RIPOR2: variants seen among roughly 807,000 people sequenced by gnomAD.
RIPOR2 encodes the protein RHO family interacting cell polarization regulator 2, also known as rho family-interacting cell polarization regulator 2.
A neutral mutation model predicts 114.5 loss-of-function variants in RIPOR2; 39 were observed. The ratio of observed to expected loss-of-function variants is 0.34; its 90% CI spans 0.26 to 0.44. RIPOR2 has a LOEUF of 0.44. Ranked by LOEUF, RIPOR2 falls within the 20% of genes least tolerant of loss-of-function variation. The probability of loss-of-function intolerance (pLI) is 1.00; values close to 1 mark genes in which losing one functional copy is unlikely to be tolerated. For missense variants in RIPOR2, 1,007 were observed against 1,255.1 expected, an observed-to-expected ratio of 0.80 and a Z score of 2.99; for synonymous variants, 445 against 484.4, an observed-to-expected ratio of 0.92 and a Z score of 1.07.
At chr6:24,818,224 A>C (rs1360465435) in intron 20 of RIPOR2, among the ~76,000 whole-genome samples, 1 of 152,052 alleles carries the variant, frequency 6.6e-6, no homozygotes, top group Non-Finnish European at 1.5e-5. Context: ...CGGCCTCCCA[A>C]AATGCTGGGA....
chr6:24,901,978 C>T (rs1443989304), intron 1 of RIPOR2, among the ~76,000 whole-genome samples: 2 of 152,162 alleles, frequency 1.3e-5, no homozygotes, highest in Non-Finnish European at 2.9e-5. Flanking sequence ...AAGGCACTAT[C>T]ACTGGGACTA....
intron 1 of RIPOR2, among the ~76,000 whole-genome samples, chr6:24,985,379 T>A (rs960680251): frequency 1.2e-4 from 19 of 152,124 alleles, no homozygotes; most frequent in African/African-American, 4.6e-4. Flanking sequence ...GATTTTTTTT[T>A]TTTAACCAGT....
At chr6:25,023,390 G>A in intron 1 of RIPOR2, 3 of 776,590 alleles carry the variant, frequency 3.9e-6, no homozygotes, top group East Asian at 2.4e-5. Context: ...GTTGTAGGGA[G>A]AGAGTGGGGA....
At chr6:24,841,547 A>G (rs1487113893) in intron 13 of RIPOR2, among the ~76,000 whole-genome samples, 1 of 152,016 alleles carries the variant, frequency 6.6e-6, no homozygotes, top group Non-Finnish European at 1.5e-5. Context: ...GAAGGATAAG[A>G]TGGTCAAAAA....
intron 1 of RIPOR2, among the ~76,000 whole-genome samples, chr6:24,934,728 C>T (rs1346328701): frequency 6.6e-6 from 1 of 152,164 alleles, no homozygotes; most frequent in Non-Finnish European, 1.5e-5. Flanking sequence ...ATTTAGGTGG[C>T]TCCAAATTCT....
At chr6:24,927,799 G>T (rs1454659257) in intron 1 of RIPOR2, among the ~76,000 whole-genome samples, 3 of 152,180 alleles carry the variant, frequency 2.0e-5, no homozygotes, top group Non-Finnish European at 4.4e-5. Flanking sequence ...CAAACAACTA[G>T]TAAGTTGAAC....
chr6:25,002,727 G>A (rs1173940667), intron 1 of RIPOR2, among the ~76,000 whole-genome samples: 3 of 152,210 alleles, frequency 2.0e-5, no homozygotes, highest in African/African-American at 7.2e-5. Flanking sequence ...CAGGGACTCA[G>A]CTCCACCTGG....
chr6:24,845,266 T>C, intron 12 of RIPOR2, among the ~76,000 whole-genome samples: 1 of 152,110 alleles, frequency 6.6e-6, no homozygotes, highest in East Asian at 1.9e-4. Context: ...AGCTTGTGTA[T>C]TTCAGTTTCT....
chr6:24,961,643 T>C (rs1383694646), intron 1 of RIPOR2, among the ~76,000 whole-genome samples: 1 of 151,970 alleles, frequency 6.6e-6, no homozygotes, highest in Non-Finnish European at 1.5e-5. Context: ...CTTTTTTTTT[T>C]TTTTGAGACA....
chr6:24,882,501 C>T (rs758550384), intron 1 of RIPOR2, among the ~76,000 whole-genome samples: 1 of 152,158 alleles, frequency 6.6e-6, no homozygotes, highest in Non-Finnish European at 1.5e-5. Flanking sequence ...GTTAAGAATA[C>T]TGAGACTCAT....
intron 1 of RIPOR2, among the ~76,000 whole-genome samples, chr6:24,942,999 C>G (rs1813711): frequency 0.17 from 26,410 of 152,140 alleles, 2,463 homozygotes; most frequent in East Asian, 0.34. Flanking sequence ...ATGCCTATGT[C>G]CTGAATGATA....
intron 1 of RIPOR2, among the ~76,000 whole-genome samples, chr6:25,014,215 C>T (rs1199846831): frequency 1.3e-5 from 2 of 152,186 alleles, no homozygotes; most frequent in Non-Finnish European, 2.9e-5. Context: ...GAGCTTTAAA[C>T]CGCTTGCTTG....
chr6:24,913,511 T>A (rs1769830289), intron 1 of RIPOR2, among the ~76,000 whole-genome samples: 1 of 152,138 alleles, frequency 6.6e-6, no homozygotes, highest in African/African-American at 2.4e-5. Context: ...CAGGTACATG[T>A]GTGACTGAGG....
chr6:24,812,249 C>T (rs1781225276), intron 20 of RIPOR2, among the ~76,000 whole-genome samples: 2 of 30,302 alleles, frequency 6.6e-5, no homozygotes, highest in African/African-American at 1.2e-4. Flanking sequence ...CCTGAGGAAT[C>T]GCCACACTGA....
chr6:24,979,396 C>T (rs1393903118), intron 1 of RIPOR2, among the ~76,000 whole-genome samples: 2 of 151,600 alleles, frequency 1.3e-5, no homozygotes, highest in Non-Finnish European at 2.9e-5. Context: ...AGACCACACC[C>T]TCTTCCAAGT....
upstream of RIPOR2, among the ~76,000 whole-genome samples, chr6:24,936,776 A>G (rs142155402): frequency 1.3e-4 from 20 of 152,256 alleles, no homozygotes; most frequent in African/African-American, 4.3e-4. Flanking sequence ...ACAAACACAC[A>G]TCTCTCTGAG....
chr6:24,889,918 G>T (rs1003815402), intron 1 of RIPOR2, among the ~76,000 whole-genome samples: 6 of 151,712 alleles, frequency 4.0e-5, no homozygotes, highest in African/African-American at 4.8e-5. Flanking sequence ...TTGAGACAGA[G>T]TTTCACTCTG....
intron 1 of RIPOR2, among the ~76,000 whole-genome samples, chr6:24,898,090 G>C (rs551733170): frequency 2.0e-5 from 3 of 152,020 alleles, no homozygotes; most frequent in South Asian, 2.1e-4. Context: ...AGGAAGGAAG[G>C]AAACATCAAG....
At chr6:24,994,452 G>T (rs1453218081) in intron 1 of RIPOR2, among the ~76,000 whole-genome samples, 4 of 152,190 alleles carry the variant, frequency 2.6e-5, no homozygotes, top group Admixed American at 2.6e-4. Flanking sequence ...AGGAGACTGG[G>T]ATGTTGAAAG....
Sources: gnomAD v4.1 joint callset for allele counts (sites outside exome capture counted in the v4.1 genomes callset) on GRCh38, gnomAD v4.1.1 for gene constraint, MANE v1.5 for transcripts, NCBI Gene and HGNC (gene_info 2026-07-23, HGNC 2026-07-21) for gene names.